Variants in RIN3 observed in about 807,000 individuals in gnomAD.
RIN3 encodes RAB5 interacting protein 3.
Under a neutral mutation model 76.3 loss-of-function variants are expected in RIN3, and 54 were observed. The observed-to-expected ratio is 0.71, with a 90% CI of 0.57 to 0.89. The LOEUF (loss-of-function observed/expected upper bound fraction) is 0.89, where lower values mean the gene tolerates loss of function less well. Ranked by LOEUF, RIN3 falls within the 40% of genes least tolerant of loss-of-function variation. RIN3 has a pLI of 0.00. For synonymous variants in RIN3, 576 were observed against 564.0 expected (o/e 1.02, Z -0.30); for missense variants, 1,256 against 1,322.1 (o/e 0.95, Z 0.78).
At chr14:92,577,964 G>T (rs566472787) in intron 3 of RIN3, among the ~76,000 whole-genome samples, 1 of 152,208 alleles carries the variant, frequency 6.6e-6, no homozygotes, top group Admixed American at 6.5e-5. Context: ...TCTGGGCCAG[G>T]CTTGATGGCT....
At chr14:92,578,323 G>A (rs7160376) in intron 3 of RIN3, among the ~76,000 whole-genome samples, 91,100 of 151,560 alleles carry the variant, frequency 0.6, 28,052 homozygotes, top group Non-Finnish European at 0.67. Context: ...GGGCTTCAGT[G>A]GGAAAATGTT....
At chr14:92,518,048 T>C (rs1309143551) in intron 1 of RIN3, among the ~76,000 whole-genome samples, 2 of 152,252 alleles carry the variant, frequency 1.3e-5, no homozygotes, top group Non-Finnish European at 1.5e-5. Flanking sequence ...TGTGGTCTTG[T>C]ACCTTTGCCC....
chr14:92,522,908 C>T (rs746415881), intron 1 of RIN3, among the ~76,000 whole-genome samples: 5 of 152,192 alleles, frequency 3.3e-5, no homozygotes, highest in Non-Finnish European at 5.9e-5. Flanking sequence ...CCTTTCCTCT[C>T]TCCTGTTGCC....
At chr14:92,520,876 A>T (rs1442467028) in intron 1 of RIN3, among the ~76,000 whole-genome samples, 1 of 152,212 alleles carries the variant, frequency 6.6e-6, no homozygotes, top group African/African-American at 2.4e-5. Flanking sequence ...TCAGAGATTG[A>T]TAATGTAAAT....
intron 1 of RIN3, among the ~76,000 whole-genome samples, chr14:92,519,695 A>T (rs12886713): frequency 0.13 from 19,534 of 152,208 alleles, 1,350 homozygotes; most frequent in South Asian, 0.2. Context: ...CTGCCCAGAG[A>T]TAGCCAACGC....
intron 1 of RIN3, among the ~76,000 whole-genome samples, chr14:92,527,895 G>A (rs73326362): frequency 1.9e-3 from 283 of 151,806 alleles, no homozygotes; most frequent in African/African-American, 6.2e-3. Flanking sequence ...TCCCTTCCCC[G>A]CTCAGGCCTG....
intron 1 of RIN3, among the ~76,000 whole-genome samples, chr14:92,518,058 C>T (rs764523537): frequency 6.6e-6 from 1 of 152,260 alleles, no homozygotes; most frequent in Non-Finnish European, 1.5e-5. Context: ...TACCTTTGCC[C>T]ATGAGGTTCT....
At chr14:92,543,618 CTTTTT>C (rs3033757) in intron 1 of RIN3, among the ~76,000 whole-genome samples, 14,580 of 84,870 alleles carry the variant, frequency 0.17, 1,126 homozygotes, top group Non-Finnish European at 0.22. Context: ...AAGGCTTTTG[CTTTTT>C]TTTTTTTTTT....
chr14:92,605,237 A>G (rs559547395), intron 3 of RIN3, among the ~76,000 whole-genome samples: 5 of 152,256 alleles, frequency 3.3e-5, no homozygotes, highest in Admixed American at 1.3e-4. Context: ...TCTACATACT[A>G]TGAGCACAAT....
At chr14:92,591,331 A>T (rs752533183) in intron 3 of RIN3, among the ~76,000 whole-genome samples, 1 of 152,234 alleles carries the variant, frequency 6.6e-6, no homozygotes, top group Non-Finnish European at 1.5e-5. Context: ...AGAACGGAGT[A>T]TCTAAGAACT....
Position 92,688,403 on chromosome 14 carries a change from A to C in RIN3, c.*151A>C. ...ACGTCGCAGGACAGTTGTGAAAATA[A>C]CATGACGCTCGTCCAAGGCCACTTC... On this transcript the variant is annotated 3_prime_UTR_variant, in exon 10 of 10. Coordinates refer to ENST00000216487, the MANE Select transcript of RIN3 (RefSeq NM_024832.5). 1 of 733,624 alleles carries C rather than the reference A, an allele frequency of 1.4e-6. No individual in the cohort carries two copies. Among genetic ancestry groups the C allele is most frequent in the Non-Finnish European group, 2.2e-6 (1 of 464,626 alleles). 45.4% of individuals were successfully genotyped at this position (733,624 alleles called of 1,614,324 possible).
rs1321379069 is a variant in RIN3, at chr14:92,652,784, C to T, written c.1735C>T (p.Arg579Trp). The change falls in exon 6 of 10, where the codon CGG becomes TGG. Residue 579 changes from arginine (R) to tryptophan (W), a missense_variant. Physicochemically the swap from Arg to Trp is moderately radical, Grantham distance 101. Around this residue, in one of 3 missense-constraint regions of RIN3, gnomAD observed 428 missense variants for 521.2 expected, o/e 0.82. Coordinates refer to ENST00000216487, the MANE Select transcript of RIN3 (RefSeq NM_024832.5). The surrounding 1 kb of genome is among the most constrained non-coding windows in gnomAD (Gnocchi z 6.4). Reference sequence around the variant, plus strand: ...GCCCTCCATGATCCTGGGCAAGGCTCGGCACCGGCTGAGCTTTGCCAGTTT... The same window carrying T: ...GCCCTCCATGATCCTGGGCAAGGCTTGGCACCGGCTGAGCTTTGCCAGTTT... ...KKPSMILGKA[R>W]HRLSFASFSS... 1 of 1,614,014 alleles carries T rather than the reference C, an allele frequency of 6.2e-7. No individual in the cohort carries two copies. The highest frequency in any genetic ancestry group is 2.2e-5 in the East Asian group (1 of 44,880).
chr14:92,641,275 A>C lies in RIN3; in HGVS notation c.478A>C (p.Ile160Leu), dbSNP rs146503912. The C allele has an allele frequency of 1.8e-4, 284 of 1,614,106 alleles. No homozygotes were observed. The highest frequency in any genetic ancestry group is 3.3e-5 in the Admixed American group (2 of 60,016). The change falls in exon 5 of 10, where the codon ATC (isoleucine) becomes CTC (leucine). Residue 160 changes from isoleucine to leucine, a missense_variant. Coordinates refer to ENST00000216487, the MANE Select transcript of RIN3 (RefSeq NM_024832.5). ...LPFTLRLPQA[I>L]LEASSFTDLE... ...CTTCACACTGCGGCTACCCCAGGCCATCCTTGAGGCCAGCAGCTTCACGGA... is the reference window on the plus strand; with the variant it reads ...CTTCACACTGCGGCTACCCCAGGCCCTCCTTGAGGCCAGCAGCTTCACGGA...
intron 7 of RIN3, among the ~76,000 whole-genome samples, chr14:92,673,351 G>A (rs1888352175): frequency 6.6e-6 from 1 of 152,088 alleles, no homozygotes; most frequent in Non-Finnish European, 1.5e-5. Context: ...TTTGTGTGCA[G>A]GTCTCTGTGT....
chr14:92,598,857 C>T (rs1279934090), intron 3 of RIN3, among the ~76,000 whole-genome samples: 1 of 152,144 alleles, frequency 6.6e-6, no homozygotes, highest in Non-Finnish European at 1.5e-5. Context: ...TTACTGCAGT[C>T]AGAGGAAGGA....
intron 5 of RIN3, 109 bp downstream of exon 5, chr14:92,641,438 C>T (rs1027203618): frequency 2.6e-6 from 2 of 759,564 alleles, no homozygotes; most frequent in Non-Finnish European, 4.5e-6. Flanking sequence ...TCCCAGCTCC[C>T]ATGGGACCAC....
At chr14:92,539,269 T>C (rs902416982) in intron 1 of RIN3, among the ~76,000 whole-genome samples, 1 of 152,158 alleles carries the variant, frequency 6.6e-6, no homozygotes, top group African/African-American at 2.4e-5. Flanking sequence ...CCATACTAAG[T>C]GCTGAATAAA....
chr14:92,556,343 A>C (rs1321553666), intron 2 of RIN3, among the ~76,000 whole-genome samples: 1 of 151,964 alleles, frequency 6.6e-6, no homozygotes, highest in Non-Finnish European at 1.5e-5. Context: ...CAGGGTAAAA[A>C]AAAAATGGCT....
At chr14:92,658,461 G>T (rs1307951669) in intron 6 of RIN3, among the ~76,000 whole-genome samples, 3 of 152,226 alleles carry the variant, frequency 2.0e-5, no homozygotes, top group Non-Finnish European at 4.4e-5. Flanking sequence ...GCCATGAGGA[G>T]TCTTTGGCTT....
Sources: allele counts gnomAD v4.1 joint callset (sites outside exome capture counted in the v4.1 genomes callset), GRCh38; gene constraint gnomAD v4.1.1; regional missense constraint gnomAD v4.1.1; non-coding constraint Gnocchi (gnomAD v3.1); transcripts MANE v1.5; gene names NCBI Gene and HGNC (gene_info 2026-07-23, HGNC 2026-07-21).